The following PLRG1 variants were observed in gnomAD, a reference collection of about 807,000 sequenced individuals.
PLRG1 encodes pleiotropic regulator 1, also known as pleiotropic regulator 1 (PRL1 homolog, Arabidopsis).
PLRG1 carries 28 observed loss-of-function variants against 74.9 expected under a neutral mutation model. That is an observed-to-expected ratio of 0.37 (90% confidence interval 0.28 to 0.51). The LOEUF (loss-of-function observed/expected upper bound fraction) is 0.51. PLRG1 is among the 20% of genes least tolerant of loss of function. PLRG1 has a pLI of 0.91. For missense variants in PLRG1, 445 were observed against 631.9 expected (o/e 0.70, Z 3.17); for synonymous variants, 197 against 212.4 (o/e 0.93, Z 0.63).
In PLRG1 at chr4:154,535,348, C is replaced by T. The variant is rs766699818; in HGVS notation, c.*1337G>A. ...TGGGCTAGTTTTAAGTATTAAAGAA[C>T]AAAGGTGCAATGACTTTGCTTGTGT... On this transcript the variant is annotated 3_prime_UTR_variant, in exon 15 of 15. Coordinates refer to ENST00000499023, the MANE Select transcript of PLRG1 (RefSeq NM_002669.4). The T allele has an allele frequency of 6.6e-6, 1 of 151,728 alleles. No homozygotes were observed. Among genetic ancestry groups the T allele is most frequent in the Non-Finnish European group, 1.5e-5 (1 of 67,950 alleles). 9.4% of individuals were successfully genotyped at this position (151,728 alleles called of 1,614,324 possible). A position where few individuals can be genotyped will look rare whatever the true frequency, so the allele number is the denominator to read the frequency against.
rs1312557403 is a variant in PLRG1 at position 154,550,339 on chromosome 4, G to C, written c.-31C>G. ...TACCGTGTATCCCACCTCCGGCAGG[G>C]AAGAAACTCTAATCACTAACGCAGT... On this transcript the variant is annotated 5_prime_UTR_variant, in exon 1 of 15. Coordinates refer to ENST00000499023, the MANE Select transcript of PLRG1 (RefSeq NM_002669.4). 6.2e-7 allele frequency: 1 copy of C among 1,609,588 alleles called. No individual in the cohort carries two copies. The highest frequency in any genetic ancestry group is 2.2e-5 in the East Asian group (1 of 44,854).
At chr4:154,539,915 T>A (rs1293725391) in intron 11 of PLRG1, 36 bp downstream of exon 11, 1 of 958,406 alleles carries the variant, frequency 1.0e-6, no homozygotes. Flanking sequence ...GATTCTGACA[T>A]GAATATTCTG....
At chr4:154,544,852 G>C (rs1263741641) in intron 6 of PLRG1, among the ~76,000 whole-genome samples, 1 of 152,122 alleles carries the variant, frequency 6.6e-6, no homozygotes, top group South Asian at 2.1e-4. Context: ...GGGAAGAATA[G>C]TGCCTATTTC....
chr4:154,548,605 C>T lies in PLRG1; in HGVS notation c.116+224G>A, dbSNP rs1001125102. 7.2e-5 allele frequency among the ~76,000 whole-genome samples: 11 copies of T among 152,020 alleles called. No individual in the cohort carries two copies. The East Asian group carries it at 2.1e-3, about 29-fold the overall frequency. ...AAATAAAATACCTAAAAGGGACTCT[C>T]TTAATTACTGGGTATTTGTAAAATG... On this transcript the variant is annotated intron_variant, in intron 2 of 14. Transcript: ENST00000499023.
chr4:154,538,467 G>A (rs1470364529), intron 12 of PLRG1, among the ~76,000 whole-genome samples: 1 of 151,934 alleles, frequency 6.6e-6, no homozygotes, highest in Admixed American at 6.6e-5. Flanking sequence ...GGAAGAAAGA[G>A]AGAAAAGGAA....
chr4:154,540,211 G>C, intron 10 of PLRG1, 158 bp from the exon 11 acceptor site: 1 of 593,262 alleles, frequency 1.7e-6, no homozygotes, highest in Non-Finnish European at 3.0e-6. Flanking sequence ...ACAAACTGGA[G>C]GACGAATATA....
At chr4:154,539,570 T>C (rs1181653242) in intron 11 of PLRG1, among the ~76,000 whole-genome samples, 1 of 152,112 alleles carries the variant, frequency 6.6e-6, no homozygotes, top group South Asian at 2.1e-4. Flanking sequence ...AGATCCATTG[T>C]TACTAACTTT....
At position 154,536,472 on chromosome 4, in the gene PLRG1, T is replaced by C. The variant is rs1365338779; in HGVS notation, c.*213A>G. The C allele has an allele frequency of 2.2e-5, 11 of 501,716 alleles. No homozygotes were observed. The highest frequency in any genetic ancestry group is 1.1e-4 in the Admixed American group (3 of 26,910). The allele number at this position is 501,716 out of a possible 1,614,324, so 31.1% of individuals were successfully genotyped here. A position where few individuals can be genotyped will look rare whatever the true frequency, so the allele number is the denominator to read the frequency against. ...CATTTACTTGATATCTGCATCTTCC[T>C]AGTATCACAAATTGTTTTAGAAATA... On this transcript the variant is annotated 3_prime_UTR_variant, in exon 15 of 15. Transcript: ENST00000499023.
At chr4:154,549,408 T>C (rs1040673379) in intron 1 of PLRG1, among the ~76,000 whole-genome samples, 2 of 152,076 alleles carry the variant, frequency 1.3e-5, no homozygotes, top group African/African-American at 4.8e-5. Flanking sequence ...AGAAAGGGAG[T>C]TAGCCTTGCA....
Position 154,544,487 on chromosome 4 carries a change from T to C in PLRG1, c.552A>G (p.Thr184=), listed in dbSNP as rs758815566. Residue 184 remains threonine, a synonymous_variant, in exon 7 of 15, where the codon ACA becomes ACG. Transcript: ENST00000499023. Reference sequence around the variant, plus strand: ...GTGGGTGCCACTGGGGTTTTGGCATTGTAGGGGCTTTTTTAGCCATCAGTG... The same window carrying C: ...GTGGGTGCCACTGGGGTTTTGGCATCGTAGGGGCTTTTTTAGCCATCAGTG... ...NSALMAKKAP[T]MPKPQWHPPW... The C allele has an allele frequency of 1.2e-6, 2 of 1,613,008 alleles. No homozygotes were observed. Among genetic ancestry groups the C allele is most frequent in the South Asian group, 2.2e-5 (2 of 91,056 alleles).
intron 4 of PLRG1, chr4:154,546,581 C>T (rs1729660085): frequency 3.4e-6 from 1 of 291,562 alleles, no homozygotes; most frequent in Non-Finnish European, 6.4e-6. Context: ...CCCAATTTCC[C>T]TGTACTTTCT....
Position 154,538,091 on chromosome 4 carries a change from C to T in PLRG1, c.1169G>A (p.Gly390Asp). The T allele has an allele frequency of 6.8e-7, 1 of 1,476,966 alleles. No homozygotes were observed. Among genetic ancestry groups the T allele is most frequent in the South Asian group, 1.4e-5 (1 of 73,030 alleles). 91.5% of individuals were successfully genotyped at this position (1,476,966 alleles called of 1,614,324 possible). The change falls in exon 13 of 15, where the codon GGT (glycine) becomes GAT (aspartate). Residue 390 changes from glycine to aspartate, a missense_variant. Gly to Asp is a moderately conservative substitution (Grantham distance 94). This residue lies in a region of PLRG1 where 221 missense variants were observed against 377.7 expected (regional missense o/e 0.59). Transcript: ENST00000499023. ...LHPRHYTFAS[G>D]SPDNIKQWKF... ...CCACTGCTTTATGTTATCTGGAGAA[C>T]CAGATGCAAATGTGTAACTGAAATA...
chr4:154,548,599 G>T (rs921334065), intron 2 of PLRG1, among the ~76,000 whole-genome samples: 4 of 151,940 alleles, frequency 2.6e-5, no homozygotes, highest in African/African-American at 9.7e-5. Flanking sequence ...ACCTAAAAGG[G>T]ACTCTCTTAA....
chr4:154,546,041 TA>T, intron 5 of PLRG1, 81 bp downstream of exon 5: 1 of 1,079,692 alleles, frequency 9.3e-7, no homozygotes, highest in Non-Finnish European at 1.4e-6. Context: ...TGTCATATAA[TA>T]GTTATAAAGA....
rs778713737 is a variant in PLRG1, at chr4:154,547,054, A to T, written c.270T>A (p.Val90=). The T allele has an allele frequency of 2.5e-6, 4 of 1,612,172 alleles. No individual in the cohort carries two copies. Among genetic ancestry groups the T allele is most frequent in the African/African-American group, 2.7e-5 (2 of 74,902 alleles). ...GATGTGTACCTGCCACAAAGTATTC[A>T]ACTTCTTGTCCTAAAAAAACACAAA... ...KQYPANQGQE[V]EYFVAGTHPY... Residue 90 remains valine, a synonymous_variant, in exon 4 of 15, where the codon GTT becomes GTA. Transcript: ENST00000499023.
At chr4:154,542,039 A>T (rs1729564437) in intron 8 of PLRG1, 148 bp downstream of exon 8, 1 of 606,682 alleles carries the variant, frequency 1.6e-6, no homozygotes, top group South Asian at 2.2e-5. Context: ...TAGAACACTT[A>T]TTAGTATAAA....
At chr4:154,538,856 T>C (rs558623242) in intron 12 of PLRG1, among the ~76,000 whole-genome samples, 1 of 152,280 alleles carries the variant, frequency 6.6e-6, no homozygotes, top group South Asian at 2.1e-4. Flanking sequence ...CAGCATTTAA[T>C]CATGATTTAC....
At chr4:154,543,048 G>C (rs1158458932) in intron 7 of PLRG1, among the ~76,000 whole-genome samples, 1 of 152,114 alleles carries the variant, frequency 6.6e-6, no homozygotes, top group Admixed American at 6.6e-5. Flanking sequence ...GTAATTTATT[G>C]TATATTTCAA....
At position 154,537,288 on chromosome 4, in the gene PLRG1, C is replaced by T. The variant is rs1048695914; in HGVS notation, c.1483G>A (p.Ala495Thr). 1.2e-6 allele frequency: 2 copies of T among 1,604,636 alleles called. No homozygotes were observed. Among genetic ancestry groups the T allele is most frequent in the African/African-American group, 1.3e-5 (1 of 74,642 alleles). ...CGAATGTGAAACACAGAACTTACGG[C>T]TGTGTCATCCTCTCTGTATACTTTA... ...TIKVYREDDT[A>T]TEETHPVSWK... The change falls in exon 14 of 15, where the codon GCC becomes ACC. Residue 495 changes from alanine (A) to threonine (T), a missense_variant and splice_region_variant. By Grantham distance (58) the Ala-to-Thr change is moderately conservative (BLOSUM62 0). Around this residue, in one of 3 missense-constraint regions of PLRG1, gnomAD observed 221 missense variants for 377.7 expected, o/e 0.59. Transcript: ENST00000499023.
Sources: allele counts gnomAD v4.1 joint callset (sites outside exome capture counted in the v4.1 genomes callset), GRCh38; gene constraint gnomAD v4.1.1; regional missense constraint gnomAD v4.1.1; transcripts MANE v1.5; gene names NCBI Gene and HGNC (gene_info 2026-07-23, HGNC 2026-07-21).